The following GRM1 variants were observed in gnomAD, a reference collection of about 807,000 sequenced individuals.
GRM1 encodes the protein glutamate metabotropic receptor 1, also known as metabotropic glutamate receptor 1.
GRM1 carries 33 observed loss-of-function variants against 90.9 expected under a neutral mutation model. The ratio of observed to expected loss-of-function variants is 0.36; its 90% CI spans 0.28 to 0.49. GRM1 has a LOEUF of 0.49. GRM1 is among the 20% of genes least tolerant of loss of function. GRM1 has a pLI of 0.99. For missense variants in GRM1, 1,190 were observed against 1,534.3 expected, an observed-to-expected ratio of 0.78 and a Z score of 3.75; for synonymous variants, 700 against 613.2, an observed-to-expected ratio of 1.14 and a Z score of -2.09.
intron 1 of GRM1, among the ~76,000 whole-genome samples, chr6:146,058,226 T>C (rs916525333): frequency 1.3e-5 from 2 of 152,074 alleles, no homozygotes; most frequent in Non-Finnish European, 2.9e-5. Flanking sequence ...ATTCATGATT[T>C]AGAGTGGTGG....
At chr6:146,262,373 A>T (rs1391493055) in intron 2 of GRM1, among the ~76,000 whole-genome samples, 2 of 152,078 alleles carry the variant, frequency 1.3e-5, no homozygotes, top group Admixed American at 1.3e-4. Context: ...GCATATACCA[A>T]AAGTATCTTA....
At chr6:146,131,074 T>C (rs929327778) in intron 1 of GRM1, among the ~76,000 whole-genome samples, 1 of 152,188 alleles carries the variant, frequency 6.6e-6, no homozygotes, top group Non-Finnish European at 1.5e-5. Context: ...ATAATAACTA[T>C]TAAAATATTA....
chr6:146,094,469 A>G (rs890358793), intron 1 of GRM1, among the ~76,000 whole-genome samples: 2 of 152,056 alleles, frequency 1.3e-5, no homozygotes, highest in African/African-American at 4.8e-5. Flanking sequence ...ATCACAAAAT[A>G]TTATCTTTGC....
At chr6:146,203,192 A>AAAT (rs1779378079) in intron 2 of GRM1, among the ~76,000 whole-genome samples, 1 of 141,718 alleles carries the variant, frequency 7.1e-6, no homozygotes, top group Non-Finnish European at 1.5e-5. Flanking sequence ...ACTCCGTCTC[A>AAAT]AAATAAATAA....
chr6:146,085,381 A>G (rs1776506535), intron 1 of GRM1, among the ~76,000 whole-genome samples: 1 of 152,172 alleles, frequency 6.6e-6, no homozygotes, highest in Non-Finnish European at 1.5e-5. Flanking sequence ...AAATGGAGAA[A>G]GAACTTGACC....
chr6:146,352,170 CA>C, intron 3 of GRM1, 79 bp from the exon 4 acceptor site: 1 of 1,468,612 alleles, frequency 6.8e-7, no homozygotes, highest in African/African-American at 1.4e-5. Flanking sequence ...TGAGAACCCC[CA>C]AAAGCATTTG....
chr6:146,281,263 A>G (rs538646060), intron 2 of GRM1, among the ~76,000 whole-genome samples: 2 of 152,324 alleles, frequency 1.3e-5, no homozygotes, highest in South Asian at 4.1e-4. Flanking sequence ...TAAACTAACC[A>G]GAGACTCAGG....
rs75319946 is a variant in GRM1 at position 146,423,558 on chromosome 6, C to G, written c.2661-10314C>G. ...GTGTGAAGCTTGGCTGTCAATATGC[C>G]GGAAGGCCTCAAAGGAACCGCAGAA... is the stretch of plus-strand genomic sequence containing the variant. On this transcript the variant is annotated intron_variant, in intron 7 of 7. Coordinates refer to ENST00000282753, the MANE Select transcript of GRM1 (RefSeq NM_001278064.2). 7.2e-3 allele frequency among the ~76,000 whole-genome samples: 1,090 copies of G among 151,762 alleles called. 16 individuals are homozygous for G. The highest frequency in any genetic ancestry group is 0.025 in the African/African-American group (1,043 of 41,344).
intron 3 of GRM1, among the ~76,000 whole-genome samples, chr6:146,330,713 T>C (rs1408800238): frequency 6.6e-6 from 1 of 152,204 alleles, no homozygotes; most frequent in East Asian, 1.9e-4. Context: ...TTCTTTAATG[T>C]TTTGAGGAAA....
At chr6:146,237,270 AT>A (rs1392411079) in intron 2 of GRM1, among the ~76,000 whole-genome samples, 1 of 152,018 alleles carries the variant, frequency 6.6e-6, no homozygotes. Flanking sequence ...CTTGATGCTT[AT>A]TTTTGATAAG....
intron 1 of GRM1, among the ~76,000 whole-genome samples, chr6:146,158,122 G>A (rs1291628533): frequency 6.6e-6 from 1 of 152,144 alleles, no homozygotes; most frequent in East Asian, 1.9e-4. Context: ...ATTCAGCAAG[G>A]TTGTGTCTTT....
At chr6:146,148,101 GA>G (rs992876685) in intron 1 of GRM1, among the ~76,000 whole-genome samples, 1 of 152,116 alleles carries the variant, frequency 6.6e-6, no homozygotes, top group African/African-American at 2.4e-5. Context: ...CCTTTGGGAA[GA>G]AAAATTGTTA....
At chr6:146,106,441 C>G (rs1775301429) in intron 1 of GRM1, among the ~76,000 whole-genome samples, 1 of 152,152 alleles carries the variant, frequency 6.6e-6, no homozygotes, top group Non-Finnish European at 1.5e-5. Flanking sequence ...CAGTACTCCC[C>G]AAACAAACTG....
chr6:146,337,638 C>G (rs767028902), intron 3 of GRM1, among the ~76,000 whole-genome samples: 1 of 152,288 alleles, frequency 6.6e-6, no homozygotes, highest in East Asian at 1.9e-4. Flanking sequence ...CCAGCTTCTT[C>G]CCTGCCAGGA....
At chr6:146,391,214 T>C (rs942240310) in intron 6 of GRM1, among the ~76,000 whole-genome samples, 3 of 152,084 alleles carry the variant, frequency 2.0e-5, no homozygotes, top group Non-Finnish European at 4.4e-5. Context: ...CTGGATCTTA[T>C]AAGGATCTTA....
chr6:146,267,597 A>G (rs753522048), intron 2 of GRM1, among the ~76,000 whole-genome samples: 10 of 142,036 alleles, frequency 7.0e-5, no homozygotes, highest in South Asian at 2.4e-4. Context: ...AGTATCCAGC[A>G]TGGGAGAAAG....
chr6:146,316,241 C>A (rs188201410), intron 3 of GRM1, among the ~76,000 whole-genome samples: 142 of 152,280 alleles, frequency 9.3e-4, no homozygotes, highest in East Asian at 2.9e-3. Flanking sequence ...AAGCCAGGAA[C>A]TTTACATCTA....
intron 4 of GRM1, among the ~76,000 whole-genome samples, chr6:146,356,577 A>G (rs1785592391): frequency 6.6e-6 from 1 of 152,170 alleles, no homozygotes; most frequent in Admixed American, 6.5e-5. Flanking sequence ...GAACATAAGC[A>G]TTTCGACCAT....
chr6:146,303,971 C>T (rs1195215292), intron 2 of GRM1, among the ~76,000 whole-genome samples: 3 of 152,094 alleles, frequency 2.0e-5, no homozygotes, highest in Admixed American at 6.6e-5. Flanking sequence ...TGTCAGTGTG[C>T]TCCCATTTAG....
Sources: allele counts gnomAD v4.1 joint callset (sites outside exome capture counted in the v4.1 genomes callset), GRCh38; gene constraint gnomAD v4.1.1; transcripts MANE v1.5; gene names NCBI Gene and HGNC (gene_info 2026-07-23, HGNC 2026-07-21).